GMDS: variants seen among roughly 807,000 people sequenced by gnomAD.
The protein encoded by GMDS is GDP-mannose 4,6 dehydratase.
GMDS carries 20 observed loss-of-function variants against 49.9 expected under a neutral mutation model. The ratio of observed to expected loss-of-function variants is 0.40; its 90% CI spans 0.28 to 0.58. The LOEUF (loss-of-function observed/expected upper bound fraction) is 0.58, where lower values mean the gene tolerates loss of function less well. GMDS is among the 20% of genes least tolerant of loss of function. GMDS has a pLI of 0.42. For synonymous variants in GMDS, 177 were observed against 178.6 expected, an observed-to-expected ratio of 0.99 and a Z score of 0.07; for missense variants, 362 against 481.4, an observed-to-expected ratio of 0.75 and a Z score of 2.32.
intron 4 of GMDS, among the ~76,000 whole-genome samples, chr6:2,078,703 C>CAT (rs1258803177): frequency 6.6e-6 from 1 of 151,978 alleles, no homozygotes; most frequent in Non-Finnish European, 1.5e-5. Context: ...GAGAATATTC[C>CAT]ATGTGCTGAT....
intron 7 of GMDS, among the ~76,000 whole-genome samples, chr6:1,853,323 C>T (rs1289114165): frequency 6.6e-6 from 1 of 151,146 alleles, no homozygotes; most frequent in South Asian, 2.1e-4. Flanking sequence ...TCGAGACCAT[C>T]CTGGCTAAAA....
chr6:2,023,751 C>T (rs1768413481), intron 4 of GMDS, among the ~76,000 whole-genome samples: 1 of 152,142 alleles, frequency 6.6e-6, no homozygotes, highest in Non-Finnish European at 1.5e-5. Context: ...AGACATCATG[C>T]TCTAAAAGAC....
At chr6:2,089,381 A>G (rs1040263070) in intron 4 of GMDS, among the ~76,000 whole-genome samples, 1 of 152,194 alleles carries the variant, frequency 6.6e-6, no homozygotes, top group Non-Finnish European at 1.5e-5. Flanking sequence ...GGAAGGACTT[A>G]ACCAGAGCAA....
At chr6:2,031,042 A>G (rs1330542247) in intron 4 of GMDS, among the ~76,000 whole-genome samples, 5 of 152,236 alleles carry the variant, frequency 3.3e-5, no homozygotes, top group Non-Finnish European at 7.3e-5. Flanking sequence ...TGTAGTATAA[A>G]TACATAAAGC....
chr6:2,094,061 G>A (rs1252488778), intron 4 of GMDS, among the ~76,000 whole-genome samples: 3 of 152,172 alleles, frequency 2.0e-5, no homozygotes, highest in African/African-American at 7.2e-5. Flanking sequence ...CGGAAACAGG[G>A]AGATTCTCAA....
intron 7 of GMDS, among the ~76,000 whole-genome samples, chr6:1,742,920 T>C (rs1240736839): frequency 1.3e-5 from 2 of 152,138 alleles, no homozygotes; most frequent in African/African-American, 4.8e-5. Context: ...TGTGAAGCAG[T>C]GTCTATGGCA....
At chr6:1,665,926 C>T (rs1455119975) in intron 9 of GMDS, among the ~76,000 whole-genome samples, 1 of 152,164 alleles carries the variant, frequency 6.6e-6, no homozygotes, top group East Asian at 1.9e-4. Flanking sequence ...TTTGGTATGT[C>T]AAGTTGAGTC....
At chr6:1,964,445 C>G (rs1166956611) in intron 4 of GMDS, among the ~76,000 whole-genome samples, 1 of 152,176 alleles carries the variant, frequency 6.6e-6, no homozygotes, top group Non-Finnish European at 1.5e-5. Flanking sequence ...ATCCTAAGAA[C>G]AGGTAAGTAT....
chr6:2,237,140 TA>T (rs1298328062), intron 1 of GMDS, among the ~76,000 whole-genome samples: 2 of 152,202 alleles, frequency 1.3e-5, no homozygotes, highest in Admixed American at 6.5e-5. Context: ...CAAGTCTATG[TA>T]ACTCAATTCT....
rs1324756395 is a variant in GMDS at position 1,789,988 on chromosome 6, C to T, written c.772-47402G>A. 3.3e-5 allele frequency among the ~76,000 whole-genome samples: 5 copies of T among 152,168 alleles called. No homozygotes were observed. The East Asian group carries it at 9.6e-4, about 29-fold the overall frequency. On this transcript the variant is annotated intron_variant, in intron 7 of 10. Transcript: ENST00000380815. ...ATCCACTCTGGTATATTCTATCAGT[C>T]TTTCCCCATCTCGTATTCATAAAGA...
At chr6:1,636,916 C>A (rs2745614) in intron 9 of GMDS, among the ~76,000 whole-genome samples, 15,391 of 152,300 alleles carry the variant, frequency 0.1, 895 homozygotes, top group African/African-American at 0.17. Flanking sequence ...CTCACCTGCA[C>A]ACGGGGGATC....
intron 1 of GMDS, among the ~76,000 whole-genome samples, chr6:2,217,533 T>A (rs1395667289): frequency 2.0e-5 from 3 of 152,154 alleles, no homozygotes. Context: ...TTTACTGGGG[T>A]AAGGTAGGAG....
chr6:2,152,483 C>A (rs930023437), intron 1 of GMDS, among the ~76,000 whole-genome samples: 15 of 151,910 alleles, frequency 9.9e-5, no homozygotes, highest in African/African-American at 3.6e-4. Flanking sequence ...GAAAATTATG[C>A]TGGGAGGAAA....
chr6:1,943,025 A>G (rs563211029), intron 6 of GMDS, among the ~76,000 whole-genome samples: 1 of 152,292 alleles, frequency 6.6e-6, no homozygotes, highest in East Asian at 1.9e-4. Context: ...AAATGCAACC[A>G]CAAGCCTCTT....
intron 4 of GMDS, among the ~76,000 whole-genome samples, chr6:2,080,944 C>G (rs938587623): frequency 1.3e-5 from 2 of 152,038 alleles, no homozygotes; most frequent in Non-Finnish European, 2.9e-5. Flanking sequence ...GCTACAAGAT[C>G]GCAATTTCAT....
intron 4 of GMDS, among the ~76,000 whole-genome samples, chr6:2,069,352 C>A (rs552138230): frequency 6.6e-6 from 1 of 152,288 alleles, no homozygotes; most frequent in East Asian, 1.9e-4. Context: ...AGGACATAGG[C>A]ATGGGCAAGG....
chr6:1,967,838 G>A (rs550355594), intron 4 of GMDS, among the ~76,000 whole-genome samples: 1 of 152,184 alleles, frequency 6.6e-6, no homozygotes, highest in Non-Finnish European at 1.5e-5. Flanking sequence ...GATACCCAAA[G>A]AATTGTCCAC....
intron 7 of GMDS, among the ~76,000 whole-genome samples, chr6:1,781,856 CTTT>C (rs386405898): frequency 6.9e-6 from 1 of 144,272 alleles, no homozygotes; most frequent in African/African-American, 2.5e-5. Context: ...CTCAAACCAA[CTTT>C]TTTTTTTTTT....
At chr6:1,876,242 G>A (rs1759053703) in intron 7 of GMDS, among the ~76,000 whole-genome samples, 2 of 151,534 alleles carry the variant, frequency 1.3e-5, no homozygotes, top group South Asian at 4.1e-4. Flanking sequence ...TGGGCAACAA[G>A]AGCGAAACTC....
Sources: allele counts gnomAD v4.1 joint callset (sites outside exome capture counted in the v4.1 genomes callset), GRCh38; gene constraint gnomAD v4.1.1; transcripts MANE v1.5; gene names NCBI Gene and HGNC (gene_info 2026-07-23, HGNC 2026-07-21).